The following PPME1 variants were observed in gnomAD, a reference collection of about 807,000 sequenced individuals.
PPME1 encodes testicular secretory protein Li 39.
A neutral mutation model predicts 56.9 loss-of-function variants in PPME1; 17 were observed. The observed-to-expected ratio is 0.30, with a 90% confidence interval of 0.20 to 0.45. The LOEUF is 0.45. PPME1 is among the 20% of genes least tolerant of loss of function. PPME1 has a pLI of 1.00. For synonymous variants in PPME1, 122 were observed against 156.2 expected, an observed-to-expected ratio of 0.78 and a Z score of 1.63; for missense variants, 357 against 483.2, an observed-to-expected ratio of 0.74 and a Z score of 2.45.
chr11:74,246,006 G>T, intron 9 of PPME1, 70 bp from the exon 10 acceptor site: 2 of 1,513,200 alleles, frequency 1.3e-6, no homozygotes, highest in Non-Finnish European at 1.8e-6. Flanking sequence ...TTTTCCCAGG[G>T]ATCTAGTTTT....
rs1312435978 is a variant in PPME1, at chr11:74,253,913, C to T, written c.*403C>T. The T allele has an allele frequency of 6.8e-6, 2 of 293,014 alleles. No individual in the cohort carries two copies. Among genetic ancestry groups the T allele is most frequent in the Admixed American group, 4.8e-5 (1 of 20,966 alleles). The allele number at this position is 293,014 out of a possible 1,614,324, so 18.2% of individuals were successfully genotyped here. On this transcript the variant is annotated 3_prime_UTR_variant, in exon 14 of 14. Transcript: ENST00000328257. The stretch of plus-strand genomic sequence containing the variant: ...TCCTTGAGATTGTCTTGGCATGGCC[C>T]AGCCCTGCCTCATGGGATGGACAAT...
intron 1 of PPME1, among the ~76,000 whole-genome samples, chr11:74,200,357 T>TG (rs1858122083): frequency 1.4e-5 from 2 of 145,920 alleles, no homozygotes; most frequent in East Asian, 4.0e-4. Context: ...GTCATGTGTT[T>TG]TGTGTGTGTG....
chr11:74,187,479 A>G (rs976105934), intron 1 of PPME1, among the ~76,000 whole-genome samples: 3 of 152,040 alleles, frequency 2.0e-5, no homozygotes, highest in Admixed American at 1.3e-4. Flanking sequence ...ATTCCTGCAT[A>G]TTTTATTCTT....
chr11:74,203,868 T>C, intron 2 of PPME1, 47 bp downstream of exon 2: 2 of 1,375,920 alleles, frequency 1.5e-6, no homozygotes, highest in African/African-American at 2.9e-5. Flanking sequence ...TATGATGTTG[T>C]CTAAGTTAAA....
At chr11:74,223,087 C>T (rs1011956944) in intron 4 of PPME1, among the ~76,000 whole-genome samples, 6 of 149,424 alleles carry the variant, frequency 4.0e-5, no homozygotes, top group Non-Finnish European at 8.9e-5. Context: ...TGCTATCCCT[C>T]CCCCCTTCCC....
chr11:74,206,280 A>G (rs908544240), intron 3 of PPME1, among the ~76,000 whole-genome samples: 5 of 152,170 alleles, frequency 3.3e-5, no homozygotes, highest in African/African-American at 7.2e-5. Context: ...TCCTAGGCTT[A>G]TGAGTAATTT....
At chr11:74,236,115 C>G in intron 8 of PPME1, 149 bp downstream of exon 8, 1 of 1,292,938 alleles carries the variant, frequency 7.7e-7, no homozygotes, top group Non-Finnish European at 1.0e-6. Context: ...TCAGTTGGGA[C>G]AGACATAGAT....
chr11:74,192,334 G>C (rs1327923256), intron 1 of PPME1, among the ~76,000 whole-genome samples: 1 of 152,072 alleles, frequency 6.6e-6, no homozygotes, highest in East Asian at 1.9e-4. Flanking sequence ...ATTGTATCTT[G>C]GAAGTAAATA....
chr11:74,201,158 G>A (rs1478151448), intron 1 of PPME1, among the ~76,000 whole-genome samples: 1 of 151,944 alleles, frequency 6.6e-6, no homozygotes, highest in Non-Finnish European at 1.5e-5. Flanking sequence ...TGTATTTTTA[G>A]TAGAGACGGG....
chr11:74,208,555 G>A (rs1377448990), intron 3 of PPME1, among the ~76,000 whole-genome samples: 2 of 152,134 alleles, frequency 1.3e-5, no homozygotes, highest in African/African-American at 2.4e-5. Context: ...TCTCAGACTA[G>A]GTTTTGAATG....
intron 9 of PPME1, among the ~76,000 whole-genome samples, chr11:74,245,671 A>G (rs1859484488): frequency 6.6e-6 from 1 of 152,180 alleles, no homozygotes; most frequent in African/African-American, 2.4e-5. Context: ...CTTAGATGAC[A>G]TGTTGTAATC....
In PPME1 at chr11:74,253,650, T is replaced by A; in HGVS notation, c.*140T>A. The A allele has an allele frequency of 1.1e-6, 1 of 902,394 alleles. No homozygotes were observed. Among genetic ancestry groups the A allele is most frequent in the Non-Finnish European group, 1.8e-6 (1 of 559,926 alleles). The allele number at this position is 902,394 out of a possible 1,614,324, so 55.9% of individuals were successfully genotyped here. A position where few individuals can be genotyped will look rare whatever the true frequency, so the allele number is the denominator to read the frequency against. On this transcript the variant is annotated 3_prime_UTR_variant, in exon 14 of 14. Transcript: ENST00000328257. ...CCCGGTAGACGGGCACCCCGAGATG[T>A]ACCAACCTTTTCATGTATTCTGCCA... is the stretch of plus-strand genomic sequence containing the variant.
In PPME1 at chr11:74,233,978, G is replaced by A. The variant is rs551312656; in HGVS notation, c.645-1923G>A. On this transcript the variant is annotated intron_variant, in intron 7 of 13. Transcript: ENST00000328257. ...TGGTTAGGAGACTGTTATAGTAAAG[G>A]AGAGTAATAATGGTAAACATAGACG... 2.0e-5 allele frequency among the ~76,000 whole-genome samples: 3 copies of A among 152,346 alleles called. No homozygotes were observed. In the South Asian group the frequency reaches 6.2e-4, roughly 32 times the overall value.
intron 1 of PPME1, among the ~76,000 whole-genome samples, chr11:74,198,078 G>C (rs147894216): frequency 6.6e-6 from 1 of 151,986 alleles, no homozygotes; most frequent in East Asian, 1.9e-4. Flanking sequence ...GTATTCTAAC[G>C]TAAAAAAATT....
chr11:74,196,932 A>G (rs1483002046), intron 1 of PPME1, among the ~76,000 whole-genome samples: 1 of 152,182 alleles, frequency 6.6e-6, no homozygotes, highest in African/African-American at 2.4e-5. Context: ...TGTTCCCTTA[A>G]CCATAAACAC....
intron 3 of PPME1, among the ~76,000 whole-genome samples, chr11:74,211,840 T>G (rs1032873751): frequency 3.3e-5 from 5 of 152,108 alleles, no homozygotes; most frequent in Non-Finnish European, 7.4e-5. Flanking sequence ...AGAAGAAATA[T>G]AGATAATGGA....
chr11:74,223,085 C>G (rs1191404424), intron 4 of PPME1, among the ~76,000 whole-genome samples: 1 of 151,580 alleles, frequency 6.6e-6, no homozygotes, highest in African/African-American at 2.4e-5. Flanking sequence ...AATGCTATCC[C>G]TCCCCCCTTC....
At chr11:74,196,268 A>T (rs183684370) in intron 1 of PPME1, among the ~76,000 whole-genome samples, 5 of 152,352 alleles carry the variant, frequency 3.3e-5, no homozygotes, top group Admixed American at 3.3e-4. Flanking sequence ...ATGAAGTTCA[A>T]GTCCTGTGTC....
At chr11:74,252,012 G>C (rs764921019) in intron 13 of PPME1, 1 of 589,102 alleles carries the variant, frequency 1.7e-6, no homozygotes, top group Non-Finnish European at 3.2e-6. Flanking sequence ...GGCTGGGATA[G>C]GAATCAGTCC....
Sources: allele counts gnomAD v4.1 joint callset (sites outside exome capture counted in the v4.1 genomes callset), GRCh38; gene constraint gnomAD v4.1.1; transcripts MANE v1.5; gene names NCBI Gene and HGNC (gene_info 2026-07-23, HGNC 2026-07-21).